WDR27: variants seen among roughly 807,000 people sequenced by gnomAD.
WDR27 encodes the protein WD repeat-containing protein 27.
A neutral mutation model predicts 114.4 loss-of-function variants in WDR27; 100 were observed. The observed-to-expected ratio is 0.87, with a 90% CI of 0.74 to 1.03. The LOEUF (loss-of-function observed/expected upper bound fraction) is 1.03, where lower values mean the gene tolerates loss of function less well. Among genes scored for constraint, WDR27 ranks in the 50% least tolerant of loss-of-function variants. WDR27 has a pLI of 0.00. For missense variants in WDR27, 1,129 were observed against 1,092.9 expected, an observed-to-expected ratio of 1.03 and a Z score of -0.47; for synonymous variants, 449 against 423.1, an observed-to-expected ratio of 1.06 and a Z score of -0.75.
chr6:169,560,370 G>T (rs1799519752), intron 25 of WDR27, among the ~76,000 whole-genome samples: 1 of 152,182 alleles, frequency 6.6e-6, no homozygotes, highest in Admixed American at 6.5e-5. Flanking sequence ...CCAGTCTCAG[G>T]TATGTCTTTA....
intron 22 of WDR27, among the ~76,000 whole-genome samples, chr6:169,603,137 T>TA (rs1423790829): frequency 6.7e-6 from 1 of 148,304 alleles, no homozygotes; most frequent in African/African-American, 2.5e-5. Context: ...CCACCACACC[T>TA]AGCCAAGATA....
chr6:169,545,288 A>C (rs1797324481), intron 25 of WDR27, among the ~76,000 whole-genome samples: 1 of 152,384 alleles, frequency 6.6e-6, no homozygotes, highest in Non-Finnish European at 1.5e-5. Flanking sequence ...GGTGTAAAAC[A>C]AATTATAAAA....
intron 25 of WDR27, among the ~76,000 whole-genome samples, chr6:169,508,991 A>G (rs984595572): frequency 6.6e-6 from 1 of 152,228 alleles, no homozygotes; most frequent in Non-Finnish European, 1.5e-5. Context: ...CAGGATGAAG[A>G]CAAAATTTTC....
At chr6:169,480,799 C>T (rs944484141) in intron 25 of WDR27, among the ~76,000 whole-genome samples, 9 of 151,786 alleles carry the variant, frequency 5.9e-5, no homozygotes, top group Non-Finnish European at 1.0e-4. Context: ...GTAAATGCAC[C>T]AATCAGCACT....
chr6:169,514,757 A>AATATATATATATATATATATAT (rs112203960), intron 25 of WDR27, among the ~76,000 whole-genome samples: 17 of 143,534 alleles, frequency 1.2e-4, no homozygotes, highest in African/African-American at 3.9e-4. Context: ...AAAAAAAGAG[A>AATATATATATATATATATATAT]ATATATATAT....
chr6:169,655,449 C>T (rs1046750710), intron 13 of WDR27, among the ~76,000 whole-genome samples: 2 of 152,226 alleles, frequency 1.3e-5, no homozygotes, highest in East Asian at 1.9e-4. Context: ...CTGAATAAAT[C>T]GTGGGTACAT....
intron 25 of WDR27, among the ~76,000 whole-genome samples, chr6:169,557,417 G>T (rs953146840): frequency 6.6e-6 from 1 of 152,184 alleles, no homozygotes; most frequent in Non-Finnish European, 1.5e-5. Flanking sequence ...ACCCTGAGGT[G>T]GGGGGTGCGG....
At chr6:169,596,081 A>G (rs901633595) in intron 23 of WDR27, among the ~76,000 whole-genome samples, 12 of 152,166 alleles carry the variant, frequency 7.9e-5, no homozygotes, top group Admixed American at 2.0e-4. Flanking sequence ...AGATTTGTTA[A>G]GCTATATTTC....
chr6:169,649,958 A>C (rs1488405418), intron 14 of WDR27, among the ~76,000 whole-genome samples: 28 of 57,600 alleles, frequency 4.9e-4, no homozygotes, highest in African/African-American at 5.8e-4. Flanking sequence ...TCCATCCCCC[A>C]CCATCCATGC....
intron 25 of WDR27, among the ~76,000 whole-genome samples, chr6:169,497,153 G>C (rs1790511818): frequency 6.6e-6 from 1 of 152,088 alleles, no homozygotes. Context: ...GGTCAAGGGT[G>C]CCAAGACCAT....
chr6:169,621,090 TAATA>T (rs1305610984), intron 21 of WDR27, among the ~76,000 whole-genome samples: 1 of 152,242 alleles, frequency 6.6e-6, no homozygotes, highest in East Asian at 1.9e-4. Context: ...CAGCAGCAGC[TAATA>T]GATATTTTAA....
intron 2 of WDR27, among the ~76,000 whole-genome samples, chr6:169,675,609 T>C (rs2128304789): frequency 6.6e-6 from 1 of 152,198 alleles, no homozygotes; most frequent in South Asian, 2.1e-4. Context: ...AATACATTGG[T>C]TTCGTTCAGA....
chr6:169,660,467 C>T (rs1825756469), intron 10 of WDR27, among the ~76,000 whole-genome samples, 196 bp downstream of exon 10: 1 of 152,082 alleles, frequency 6.6e-6, no homozygotes, highest in Admixed American at 6.5e-5. Context: ...GCTGAGTGCC[C>T]GAGGGTCCGG....
the WDR27 span, among the ~76,000 whole-genome samples, chr6:169,450,043 A>G: frequency 6.6e-6 from 1 of 152,170 alleles, no homozygotes; most frequent in Non-Finnish European, 1.5e-5. Flanking sequence ...AGTCACACTC[A>G]CCAAAATCTA....
At position 169,633,018 on chromosome 6, in the gene WDR27, T is replaced by TG. The variant is rs1228723327; in HGVS notation, c.2151dup (p.Asn718GlnfsTer24). On this transcript the variant is annotated frameshift_variant, in exon 21 of 26. Transcript: ENST00000448612. LOFTEE classifies it high-confidence loss of function. ...ATCACCGCTGCACTGCAGCCGGCGT[T>TG]GAGGTCAAACACTTCCACGGTCCTG... 1.4e-5 allele frequency: 22 copies of TG among 1,598,460 alleles called. No homozygotes were observed. The highest frequency in any genetic ancestry group is 1.9e-5 in the Non-Finnish European group (22 of 1,167,336).
rs773412815 is a variant in WDR27, at chr6:169,688,865, C to T, written c.141G>A (p.Leu47=). The T allele has an allele frequency of 6.2e-7, 1 of 1,612,880 alleles. No homozygotes were observed. The highest frequency in any genetic ancestry group is 2.2e-5 in the East Asian group (1 of 44,820). The change falls in exon 2 of 26, where the codon TTG becomes TTA. Residue 47 remains leucine, a synonymous_variant. Transcript: ENST00000448612. ...TCCATATACAAAGTTCAGTTCCATCCAAAGGGAAAGCACAGTCCTGCATGC... is the reference window on the plus strand; with the variant it reads ...TCCATATACAAAGTTCAGTTCCATCTAAAGGGAAAGCACAGTCCTGCATGC... ...ACSMQDCAFP[L]DGTELCIWNT...
chr6:169,615,619 C>T (rs111269809), intron 21 of WDR27, among the ~76,000 whole-genome samples: 11,112 of 152,138 alleles, frequency 0.073, 1,234 homozygotes, highest in African/African-American at 0.24. Context: ...TTACACCATA[C>T]ACAAAAATCA....
intron 25 of WDR27, among the ~76,000 whole-genome samples, chr6:169,530,063 C>T (rs1164016896): frequency 6.6e-6 from 1 of 152,168 alleles, no homozygotes; most frequent in Admixed American, 6.5e-5. Flanking sequence ...CACATTCCTG[C>T]GATGTGACCG....
chr6:169,490,166 T>C (rs1789558506), intron 25 of WDR27, among the ~76,000 whole-genome samples: 1 of 152,242 alleles, frequency 6.6e-6, no homozygotes, highest in African/African-American at 2.4e-5. Flanking sequence ...CCAGGTGTCC[T>C]GGCAAGAACT....
Sources: allele counts gnomAD v4.1 joint callset (sites outside exome capture counted in the v4.1 genomes callset), GRCh38; gene constraint gnomAD v4.1.1; transcripts MANE v1.5; gene names NCBI Gene and HGNC (gene_info 2026-07-23, HGNC 2026-07-21).